Variants in ZNF131 observed in about 807,000 individuals in gnomAD.
The protein encoded by ZNF131 is zinc finger and BTB domain containing 35, also known as zinc finger protein 131.
In ZNF131, 7 loss-of-function variants were observed where a neutral mutation model predicts 60.0. That is an observed-to-expected ratio of 0.12 (90% CI 0.07 to 0.22). ZNF131 has a LOEUF of 0.22. Among genes scored for constraint, ZNF131 ranks in the 10% least tolerant of loss-of-function variants. ZNF131 has a pLI of 1.00. For missense variants in ZNF131, 493 were observed against 740.9 expected (o/e 0.67, Z 3.88); for synonymous variants, 257 against 253.2 (o/e 1.01, Z -0.14).
rs1030683022 is a variant in ZNF131, at chr5:43,143,597, A to G, written c.371+4288A>G. 2.7e-5 allele frequency: 7 copies of G among 260,712 alleles called. No homozygotes were observed. In the South Asian group the frequency reaches 2.9e-4, roughly 11 times the overall value. 16.1% of individuals were successfully genotyped at this position (260,712 alleles called of 1,614,324 possible). A position where few individuals can be genotyped will look rare whatever the true frequency, so the allele number is the denominator to read the frequency against. On this transcript the variant is annotated intron_variant, in intron 4 of 6. Transcript: ENST00000682664. ...CCTTTCCTGTAATTCTGTACAGTCT[A>G]CATTTTGTGTGTATGGCCACTGAAG...
chr5:43,174,978 A>G lies in ZNF131; in HGVS notation c.1717A>G (p.Asn573Asp). 6.2e-7 allele frequency: 1 copy of G among 1,614,146 alleles called. No homozygotes were observed. The highest frequency in any genetic ancestry group is 8.5e-7 in the Non-Finnish European group (1 of 1,180,036). The stretch of plus-strand genomic sequence containing the variant: ...GGACCACGTGACCCCAGAAATCATG[A>G]ACCAAGAGGAGAGAGAGTCTAGCCA... ...DLDHVTPEIM[N>D]QEERESSQAD... Residue 573 changes from asparagine to aspartate, a missense_variant, in exon 7 of 7, where the codon AAC (asparagine) becomes GAC (aspartate). This residue lies in a region of ZNF131 where 202 missense variants were observed against 221.3 expected (regional missense o/e 0.91). Transcript: ENST00000682664.
chr5:43,140,762 A>G (rs1746713979), intron 4 of ZNF131, among the ~76,000 whole-genome samples: 2 of 152,074 alleles, frequency 1.3e-5, no homozygotes, highest in South Asian at 4.1e-4. Context: ...TGTCTCCCAG[A>G]CTGGAGTGCA....
chr5:43,132,945 T>A (rs1013018220), intron 3 of ZNF131, among the ~76,000 whole-genome samples: 2 of 152,232 alleles, frequency 1.3e-5, no homozygotes, highest in Admixed American at 1.3e-4. Context: ...TTTTTGTGAA[T>A]TGCAGTTTTA....
intron 4 of ZNF131, among the ~76,000 whole-genome samples, chr5:43,160,132 C>T (rs1011078824): frequency 1.3e-5 from 2 of 150,310 alleles, no homozygotes; most frequent in African/African-American, 2.5e-5. Context: ...GCCAAGATCA[C>T]GCCACTGCAC....
At chr5:43,128,941 A>ACT (rs1293125607) in intron 3 of ZNF131, among the ~76,000 whole-genome samples, 1 of 151,786 alleles carries the variant, frequency 6.6e-6, no homozygotes, top group Non-Finnish European at 1.5e-5. Context: ...TATTATTATT[A>ACT]CTATTTTTGA....
intron 5 of ZNF131, among the ~76,000 whole-genome samples, chr5:43,167,776 T>G (rs1393344418): frequency 6.6e-6 from 1 of 152,206 alleles, no homozygotes; most frequent in Non-Finnish European, 1.5e-5. Flanking sequence ...ACATGTTAAG[T>G]GCTGACCAAA....
At chr5:43,170,389 T>C (rs1438571404) in intron 5 of ZNF131, among the ~76,000 whole-genome samples, 1 of 152,210 alleles carries the variant, frequency 6.6e-6, no homozygotes, top group Non-Finnish European at 1.5e-5. Flanking sequence ...ACCTCCTCAT[T>C]ACTGGGGCTC....
chr5:43,173,460 T>TA lies in ZNF131; in HGVS notation c.1185+13dup. 1 of 1,610,686 alleles carries TA rather than the reference T, an allele frequency of 6.2e-7. No individual in the cohort carries two copies. The highest frequency in any genetic ancestry group is 8.5e-7 in the Non-Finnish European group (1 of 1,177,862). ...TCTACGAATGCCAGGTATGTGCAGA[T>TA]ACATACATTCAGTTCTTAACAAAGG... On this transcript the variant is annotated intron_variant, in intron 6 of 6. Coordinates refer to ENST00000682664, the MANE Select transcript of ZNF131 (RefSeq NM_001330707.2).
chr5:43,144,250 T>C (rs1335185259), intron 4 of ZNF131, among the ~76,000 whole-genome samples: 3 of 111,062 alleles, frequency 2.7e-5, no homozygotes, highest in African/African-American at 8.7e-5. Flanking sequence ...TTTTTTTTTT[T>C]TTTTTTTTTT....
At position 43,174,796 on chromosome 5, in the gene ZNF131, A is replaced by C. The variant is rs1373349343; in HGVS notation, c.1535A>C (p.His512Pro). 1 of 1,614,212 alleles carries C rather than the reference A, an allele frequency of 6.2e-7. No homozygotes were observed. The highest frequency in any genetic ancestry group is 8.5e-7 in the Non-Finnish European group (1 of 1,180,048). Residue 512 changes from histidine (H) to proline (P), a missense_variant, in exon 7 of 7, where the codon CAC (histidine) becomes CCC (proline). By Grantham distance (77) the His-to-Pro change is moderately conservative. Around this residue, in one of 7 missense-constraint regions of ZNF131, gnomAD observed 202 missense variants for 221.3 expected, o/e 0.91. Coordinates refer to ENST00000682664, the MANE Select transcript of ZNF131 (RefSeq NM_001330707.2). ...LLQDSQVHDS[H>P]MSELPEQVQV... ...CAGGACAGCCAGGTGCACGATTCAC[A>C]CATGAGTGAGCTTCCAGAGCAGGTC...
intron 2 of ZNF131, 113 bp from the exon 3 acceptor site, chr5:43,123,096 C>T (rs1022894531): frequency 1.1e-5 from 8 of 702,034 alleles, no homozygotes; most frequent in African/African-American, 3.7e-5. Context: ...TCTGTAGTTA[C>T]GTAATGAAGG....
rs1420511521 is a variant in ZNF131, at chr5:43,120,963, GC to G, written c.-173del. On this transcript the variant is annotated 5_prime_UTR_variant, in exon 1 of 7. Transcript: ENST00000682664. ...AACCGAACGCACGTGCGCCAGCGGGGCCCGAGCAGAAGGGGAGCCCCGGCTC... is the reference window on the plus strand; with the variant it reads ...AACCGAACGCACGTGCGCCAGCGGGGCCGAGCAGAAGGGGAGCCCCGGCTC... 3 of 152,256 alleles carry G rather than the reference GC, an allele frequency of 2.0e-5. No homozygotes were observed. The highest frequency in any genetic ancestry group is 4.4e-5 in the Non-Finnish European group (3 of 68,068). 9.4% of individuals were successfully genotyped at this position (152,256 alleles called of 1,614,324 possible).
intron 3 of ZNF131, among the ~76,000 whole-genome samples, chr5:43,134,499 G>A (rs544260663): frequency 1.3e-5 from 2 of 152,120 alleles, no homozygotes; most frequent in African/African-American, 4.8e-5. Context: ...GGAAATCCTC[G>A]TTAGAGCAAT....
intron 5 of ZNF131, among the ~76,000 whole-genome samples, chr5:43,170,635 CT>C (rs35855782): frequency 8.8e-4 from 125 of 141,398 alleles, no homozygotes; most frequent in Non-Finnish European, 1.0e-3. Flanking sequence ...TCTTTGTCCC[CT>C]TTTTTTTTTT....
At position 43,122,067 on chromosome 5, in the gene ZNF131, A is replaced by C; in HGVS notation, c.14A>C (p.Glu5Ala). Residue 5 changes from glutamate (E) to alanine (A), a missense_variant, in exon 2 of 7, where the codon GAG becomes GCG. Coordinates refer to ENST00000682664, the MANE Select transcript of ZNF131 (RefSeq NM_001330707.2). MEAE[E>A]TMECLQEFPE... is the part of the protein sequence containing the mutation. ...AGCCCGACGGCCATGGAGGCTGAAG[A>C]GACGATGGAATGCCTTCAGGAGTTC... is the stretch of plus-strand genomic sequence containing the variant. The C allele has an allele frequency of 6.2e-7, 1 of 1,613,992 alleles. No homozygotes were observed. The highest frequency in any genetic ancestry group is 8.5e-7 in the Non-Finnish European group (1 of 1,179,992).
In ZNF131 at chr5:43,143,003, G is replaced by A. The variant is rs181049337; in HGVS notation, c.371+3694G>A. On this transcript the variant is annotated intron_variant, in intron 4 of 6. Transcript: ENST00000682664. ...AAGCCACCATACTTGGCCAGACATG[G>A]TTTCTTTTTTTAATCTTTCAAGCTT... is the stretch of plus-strand genomic sequence containing the variant. 3.2e-3 allele frequency among the ~76,000 whole-genome samples: 478 copies of A among 150,684 alleles called. 1 individual carries two copies. The highest frequency in any genetic ancestry group is 5.5e-3 in the Non-Finnish European group (372 of 67,708).
At chr5:43,159,383 C>T (rs1749355412) in intron 4 of ZNF131, among the ~76,000 whole-genome samples, 1 of 151,980 alleles carries the variant, frequency 6.6e-6, no homozygotes, top group Non-Finnish European at 1.5e-5. Context: ...TGTGAGAATC[C>T]TTTCTTCACT....
chr5:43,136,720 C>T (rs1373092086), intron 3 of ZNF131, among the ~76,000 whole-genome samples: 1 of 147,962 alleles, frequency 6.8e-6, no homozygotes, highest in East Asian at 2.0e-4. Flanking sequence ...CTCCTGACCT[C>T]AGGTGATCCA....
At position 43,135,446 on chromosome 5, in the gene ZNF131, C is replaced by T. The variant is rs181131625; in HGVS notation, c.227-3719C>T. 4.1e-3 allele frequency among the ~76,000 whole-genome samples: 628 copies of T among 151,832 alleles called. 4 individuals are homozygous for T. Among genetic ancestry groups the T allele is most frequent in the Middle Eastern group, 0.017 (5 of 294 alleles). ...GTGAGAGACATGCAATACTGAGAAC[C>T]ATAAAACATTAAAGAAATTGGGCTG... On this transcript the variant is annotated intron_variant, in intron 3 of 6. Transcript: ENST00000682664.
Sources: gnomAD v4.1 joint callset for allele counts (sites outside exome capture counted in the v4.1 genomes callset) on GRCh38, gnomAD v4.1.1 for gene constraint, gnomAD v4.1.1 regional missense constraint, MANE v1.5 for transcripts, NCBI Gene and HGNC (gene_info 2026-07-23, HGNC 2026-07-21) for gene names.